The following TSG101 variants were observed in gnomAD, a reference collection of about 807,000 sequenced individuals.
The protein encoded by TSG101 is tumor susceptibility gene 101 protein.
Under a neutral mutation model 48.5 loss-of-function variants are expected in TSG101, and 19 were observed. The ratio of observed to expected loss-of-function variants is 0.39; its 90% confidence interval spans 0.27 to 0.58. The LOEUF is 0.58. Among genes scored for constraint, TSG101 ranks in the 20% least tolerant of loss-of-function variants. TSG101 has a pLI of 0.55. For synonymous variants in TSG101, 174 were observed against 169.4 expected (o/e 1.03, Z -0.21); for missense variants, 365 against 484.4 (o/e 0.75, Z 2.31).
intron 7 of TSG101, among the ~76,000 whole-genome samples, chr11:18,493,784 G>C (rs1175227940): frequency 6.6e-6 from 1 of 152,182 alleles, no homozygotes; most frequent in Admixed American, 6.5e-5. Flanking sequence ...TATGAGCAAA[G>C]GAGTTCTGAT....
In TSG101 at chr11:18,481,770, C is replaced by T. The variant is rs201826521; in HGVS notation, c.943G>A (p.Asp315Asn). Residue 315 changes from aspartate (D) to asparagine (N), a missense_variant, in exon 9 of 10, where the codon GAT becomes AAT. Physicochemically the swap from Asp to Asn is conservative, Grantham distance 23. Transcript: ENST00000251968. The stretch of plus-strand genomic sequence containing the variant: ...GGAGCTGTGGGAATGATAACTTCAT[C>T]GATATCATTGTTTTCAGACTGATTT... Reference protein sequence around the residue: ...MENQSENNDIDEVIIPTAPLY... With the variant: ...MENQSENNDINEVIIPTAPLY... The T allele has an allele frequency of 6.6e-5, 106 of 1,614,112 alleles. No homozygotes were observed. The highest frequency in any genetic ancestry group is 1.7e-4 in the Middle Eastern group (1 of 6,060).
At chr11:18,516,999 GTCTT>G (rs770037088) in intron 2 of TSG101, among the ~76,000 whole-genome samples, 15 of 152,126 alleles carry the variant, frequency 9.9e-5, no homozygotes, top group South Asian at 2.1e-4. Flanking sequence ...TTAACCTACT[GTCTT>G]TCTATTTTAG....
At chr11:18,508,189 C>A (rs1355358073) in intron 5 of TSG101, among the ~76,000 whole-genome samples, 1 of 149,104 alleles carries the variant, frequency 6.7e-6, no homozygotes, top group African/African-American at 2.5e-5. Context: ...AGCAAATAAA[C>A]AAAGGTAATG....
chr11:18,502,872 G>A (rs1849911067), intron 6 of TSG101, among the ~76,000 whole-genome samples: 1 of 152,192 alleles, frequency 6.6e-6, no homozygotes, highest in South Asian at 2.1e-4. Flanking sequence ...AACAGCATCA[G>A]AAGCAACAAG....
At chr11:18,512,424 T>C (rs2133926803) in intron 4 of TSG101, among the ~76,000 whole-genome samples, 1 of 152,292 alleles carries the variant, frequency 6.6e-6, no homozygotes, top group East Asian at 1.9e-4. Flanking sequence ...TTTAATAAAA[T>C]TTACCATCTT....
At chr11:18,500,535 A>C (rs1227790555) in intron 7 of TSG101, among the ~76,000 whole-genome samples, 2 of 151,960 alleles carry the variant, frequency 1.3e-5, no homozygotes, top group African/African-American at 2.4e-5. Context: ...AACTGGGATA[A>C]GATTATATTT....
In TSG101 at chr11:18,480,720, G is replaced by A. The variant is rs1264063405; in HGVS notation, c.1084-85C>T. The stretch of plus-strand genomic sequence containing the variant: ...AATAGACAATTTGTAACCTAGATGG[G>A]ATCTAAGAACCCTAACTCATGACCT... On this transcript the variant is annotated intron_variant, in intron 9 of 9. Transcript: ENST00000251968. 1.6e-5 allele frequency: 21 copies of A among 1,278,504 alleles called. No individual in the cohort carries two copies. The East Asian group carries it at 4.0e-4, about 24-fold the overall frequency. 79.2% of individuals were successfully genotyped at this position (1,278,504 alleles called of 1,614,324 possible).
At chr11:18,487,726 A>G (rs1449507426) in intron 7 of TSG101, among the ~76,000 whole-genome samples, 1 of 152,214 alleles carries the variant, frequency 6.6e-6, no homozygotes, top group Non-Finnish European at 1.5e-5. Context: ...CTCAAAGTAT[A>G]GGAATCTGCT....
rs1453300650 is a variant in TSG101 at position 18,499,300 on chromosome 11, TTATATATTTA to T, written c.640+3176_640+3185del. ...TTATATATATCATATATATTTATAT[TTATATATTTA>T]TTTATATATATTTATATATTTATAT... On this transcript the variant is annotated intron_variant, in intron 7 of 9. Transcript: ENST00000251968. 2.4e-5 allele frequency among the ~76,000 whole-genome samples: 3 copies of T among 126,178 alleles called. No homozygotes were observed. In the Admixed American group the frequency reaches 2.9e-4, roughly 12 times the overall value. 82.8% of individuals were successfully genotyped at this position (126,178 alleles called of 152,430 possible). A position where few individuals can be genotyped will look rare whatever the true frequency, so the allele number is the denominator to read the frequency against.
chr11:18,526,858 A>G lies in TSG101; in HGVS notation c.-42T>C. On this transcript the variant is annotated 5_prime_UTR_variant, in exon 1 of 10. Coordinates refer to ENST00000251968, the MANE Select transcript of TSG101 (RefSeq NM_006292.4). The stretch of plus-strand genomic sequence containing the variant: ...CTCCCTTCCCCGCAGGCAGAGGGTC[A>G]GCCGCTGCTGGGCTGCCCCAGACCG... The G allele has an allele frequency of 6.3e-7, 1 of 1,589,132 alleles. No homozygotes were observed. Among genetic ancestry groups the G allele is most frequent in the Non-Finnish European group, 8.5e-7 (1 of 1,174,302 alleles).
chr11:18,483,074 G>A (rs929819311), intron 8 of TSG101, among the ~76,000 whole-genome samples: 2 of 152,040 alleles, frequency 1.3e-5, no homozygotes, highest in Non-Finnish European at 2.9e-5. Flanking sequence ...GGCACGCAGG[G>A]GTGGTAATTG....
intron 9 of TSG101, 100 bp from the exon 10 acceptor site, chr11:18,480,735 A>C: frequency 1.9e-6 from 2 of 1,066,198 alleles, no homozygotes; most frequent in Non-Finnish European, 2.8e-6. Context: ...AAGAACCCTA[A>C]CTCATGACCT....
chr11:18,517,129 C>T (rs773406361), intron 2 of TSG101, among the ~76,000 whole-genome samples: 1 of 151,554 alleles, frequency 6.6e-6, no homozygotes, highest in Non-Finnish European at 1.5e-5. Context: ...TCAAGCAATC[C>T]TCCCACCTCA....
At chr11:18,490,677 T>C in intron 7 of TSG101, 2 of 447,588 alleles carry the variant, frequency 4.5e-6, no homozygotes, top group Non-Finnish European at 8.7e-6. Flanking sequence ...AGAACGTCAT[T>C]GCAGATGTCC....
chr11:18,506,518 C>T (rs1849975962), intron 6 of TSG101, among the ~76,000 whole-genome samples: 1 of 151,732 alleles, frequency 6.6e-6, no homozygotes, highest in Admixed American at 6.6e-5. Context: ...TGGTGAAATC[C>T]TGTCTCTACT....
chr11:18,500,850 G>A (rs886953503), intron 7 of TSG101, among the ~76,000 whole-genome samples: 2 of 151,818 alleles, frequency 1.3e-5, no homozygotes, highest in Non-Finnish European at 2.9e-5. Flanking sequence ...GTTGCCCAGG[G>A]TGGAGTGCAG....
intron 9 of TSG101, chr11:18,481,204 G>A: frequency 2.4e-6 from 2 of 846,684 alleles, no homozygotes; most frequent in Non-Finnish European, 2.8e-6. Context: ...GGCTTGAAAG[G>A]GCAGCCTGAT....
chr11:18,495,195 A>C (rs1202410864), intron 7 of TSG101, among the ~76,000 whole-genome samples: 1 of 152,248 alleles, frequency 6.6e-6, no homozygotes, highest in Non-Finnish European at 1.5e-5. Flanking sequence ...GTTGAAATAT[A>C]CAGTATTTAT....
chr11:18,483,332 T>TA (rs1371089868), intron 8 of TSG101, among the ~76,000 whole-genome samples: 3 of 151,722 alleles, frequency 2.0e-5, no homozygotes, highest in South Asian at 2.1e-4. Flanking sequence ...CCGTCTCTAC[T>TA]AAAAAATACA....
Sources: gnomAD v4.1 joint callset for allele counts (sites outside exome capture counted in the v4.1 genomes callset) on GRCh38, gnomAD v4.1.1 for gene constraint, MANE v1.5 for transcripts, NCBI Gene and HGNC (gene_info 2026-07-23, HGNC 2026-07-21) for gene names.